Variants in CHCHD6 observed in about 807,000 individuals in gnomAD.
CHCHD6 encodes the protein coiled-coil-helix-coiled-coil-helix domain containing 6, also known as MICOS complex subunit MIC25.
In CHCHD6, 28 loss-of-function variants were observed where a neutral mutation model predicts 32.3. That is an observed-to-expected ratio of 0.87 (90% CI 0.64 to 1.19). The LOEUF (loss-of-function observed/expected upper bound fraction) is 1.19, where lower values mean the gene tolerates loss of function less well. Ranked by LOEUF, CHCHD6 falls within the 50% of genes most tolerant of loss-of-function variation. The probability of loss-of-function intolerance (pLI) is 0.00; values close to 1 mark genes in which losing one functional copy is unlikely to be tolerated. For missense variants in CHCHD6, 333 were observed against 307.0 expected (o/e 1.08, Z -0.63); for synonymous variants, 122 against 117.5 (o/e 1.04, Z -0.25).
intron 4 of CHCHD6, among the ~76,000 whole-genome samples, chr3:126,795,325 A>T (rs918613757): frequency 6.6e-6 from 1 of 152,238 alleles, no homozygotes; most frequent in South Asian, 2.1e-4. Context: ...AATTTCCATC[A>T]TGCTGGTATG....
At chr3:126,734,460 G>T (rs1037637790) in intron 4 of CHCHD6, among the ~76,000 whole-genome samples, 2 of 152,228 alleles carry the variant, frequency 1.3e-5, no homozygotes, top group Admixed American at 6.5e-5. Context: ...TCTCCTGGGA[G>T]GCCAGACATG....
chr3:126,846,852 G>C (rs925737435), intron 4 of CHCHD6, among the ~76,000 whole-genome samples: 1 of 152,116 alleles, frequency 6.6e-6, no homozygotes, highest in Non-Finnish European at 1.5e-5. Flanking sequence ...ATGTGTATGT[G>C]TATTTTTAAA....
At chr3:126,934,750 C>A (rs2078454531) in intron 6 of CHCHD6, among the ~76,000 whole-genome samples, 1 of 151,852 alleles carries the variant, frequency 6.6e-6, no homozygotes, top group Non-Finnish European at 1.5e-5. Flanking sequence ...GGGGTTTCAC[C>A]ATGTTAGCCA....
In CHCHD6 at chr3:126,865,646, C is replaced by T. The variant is rs114980987; in HGVS notation, c.495+12916C>T. 4.5e-3 allele frequency: 4,401 copies of T among 985,208 alleles called. 165 individuals are homozygous for T. In the African/African-American group the frequency reaches 0.072, roughly 16 times the overall value. The allele number at this position is 985,208 out of a possible 1,614,324, so 61.0% of individuals were successfully genotyped here. On this transcript the variant is annotated intron_variant, in intron 5 of 7. Transcript: ENST00000290913. ...TGATTGCTGCTGCCCCCTCTCCCAC[C>T]GCTACTACTATTATCACCTCCCTCA...
chr3:126,755,058 G>C (rs1313961207), intron 4 of CHCHD6, among the ~76,000 whole-genome samples: 1 of 152,214 alleles, frequency 6.6e-6, no homozygotes, highest in Non-Finnish European at 1.5e-5. Context: ...CGATGGCCTG[G>C]AAAAGAGGAG....
chr3:126,805,804 C>A (rs531242830), intron 4 of CHCHD6, among the ~76,000 whole-genome samples: 1 of 152,308 alleles, frequency 6.6e-6, no homozygotes, highest in South Asian at 2.1e-4. Context: ...TCAAACTATA[C>A]TACAAGGCTA....
At chr3:126,742,334 G>A (rs570006314) in intron 4 of CHCHD6, among the ~76,000 whole-genome samples, 133 of 152,322 alleles carry the variant, frequency 8.7e-4, no homozygotes, top group African/African-American at 2.3e-3. Context: ...GGCTGCTGCT[G>A]GTCTGGTTAC....
chr3:126,923,296 CT>C (rs976494662), intron 6 of CHCHD6, among the ~76,000 whole-genome samples: 5 of 152,166 alleles, frequency 3.3e-5, no homozygotes, highest in Non-Finnish European at 4.4e-5. Context: ...TGACCTCCCT[CT>C]TTTTTTCTTA....
Position 126,867,804 on chromosome 3 carries a change from C to G in CHCHD6, c.495+15074C>G, listed in dbSNP as rs143102701. ...ATGTCTCCCATGCTGTCTCTGTCCTCCCTCCATGATGGTGGCTCCTTGCTA... is the reference window on the plus strand; with the variant it reads ...ATGTCTCCCATGCTGTCTCTGTCCTGCCTCCATGATGGTGGCTCCTTGCTA... On this transcript the variant is annotated intron_variant, in intron 5 of 7. Transcript: ENST00000290913. Among the ~76,000 whole-genome samples the G allele has an allele frequency of 7.9e-5, 12 of 152,312 alleles. No homozygotes were observed. In the East Asian group the frequency reaches 2.3e-3, roughly 29 times the overall value.
chr3:126,744,315 T>G (rs2107664782), intron 4 of CHCHD6, among the ~76,000 whole-genome samples: 1 of 152,370 alleles, frequency 6.6e-6, no homozygotes, highest in East Asian at 1.9e-4. Flanking sequence ...TTTCAATTTG[T>G]CAAGCCGATT....
In CHCHD6 at chr3:126,766,614, A is replaced by C; in HGVS notation, c.411+33392A>C. 4 of 1,095,364 alleles carry C rather than the reference A, an allele frequency of 3.7e-6. No individual in the cohort carries two copies. In the South Asian group the frequency reaches 5.0e-5, roughly 14 times the overall value. The allele number at this position is 1,095,364 out of a possible 1,614,324, so 67.9% of individuals were successfully genotyped here. On this transcript the variant is annotated intron_variant, in intron 4 of 7. Coordinates refer to ENST00000290913, the MANE Select transcript of CHCHD6 (RefSeq NM_032343.3). The stretch of plus-strand genomic sequence containing the variant: ...ACTTGGGCTTGTGGTCCCTTAGCCC[A>C]GTTCCCCGAAGGTCGGTGATGGGCC...
intron 4 of CHCHD6, among the ~76,000 whole-genome samples, chr3:126,811,758 T>A (rs565974617): frequency 2.0e-5 from 3 of 152,336 alleles, no homozygotes; most frequent in South Asian, 4.1e-4. Flanking sequence ...GCCAGACATT[T>A]AGCTCCTTCC....
At chr3:126,876,653 C>T (rs906132397) in intron 5 of CHCHD6, among the ~76,000 whole-genome samples, 3 of 152,164 alleles carry the variant, frequency 2.0e-5, no homozygotes, top group African/African-American at 7.2e-5. Flanking sequence ...GACCACTTTT[C>T]CCCTGGTGGG....
intron 4 of CHCHD6, among the ~76,000 whole-genome samples, chr3:126,816,876 C>T (rs967369968): frequency 1.3e-5 from 2 of 152,128 alleles, no homozygotes; most frequent in Non-Finnish European, 1.5e-5. Context: ...TCCCACCCCA[C>T]GACAGGCCCT....
intron 5 of CHCHD6, among the ~76,000 whole-genome samples, chr3:126,886,992 G>C (rs1576555794): frequency 6.6e-6 from 1 of 152,254 alleles, no homozygotes; most frequent in East Asian, 1.9e-4. Flanking sequence ...GGCTTTCTAG[G>C]CTGCTACCTA....
At chr3:126,763,699 A>C (rs1054509207) in intron 4 of CHCHD6, among the ~76,000 whole-genome samples, 2 of 152,184 alleles carry the variant, frequency 1.3e-5, no homozygotes, top group Non-Finnish European at 2.9e-5. Context: ...TGGGGATTAC[A>C]GTTAACATCC....
At chr3:126,801,029 C>G (rs1312696236) in intron 4 of CHCHD6, among the ~76,000 whole-genome samples, 1 of 152,212 alleles carries the variant, frequency 6.6e-6, no homozygotes, top group African/African-American at 2.4e-5. Context: ...TGATAACTTC[C>G]TCTAACATGA....
At chr3:126,810,563 G>C (rs1469112578) in intron 4 of CHCHD6, among the ~76,000 whole-genome samples, 1 of 152,150 alleles carries the variant, frequency 6.6e-6, no homozygotes, top group African/African-American at 2.4e-5. Context: ...ACCTAGGATT[G>C]GGTACTAGAA....
At chr3:126,920,939 C>T (rs1389415445) in intron 6 of CHCHD6, among the ~76,000 whole-genome samples, 1 of 152,136 alleles carries the variant, frequency 6.6e-6, no homozygotes, top group Admixed American at 6.5e-5. Flanking sequence ...AGATGCCTTC[C>T]CACAGATTTT....
Sources: gnomAD v4.1 joint callset for allele counts (sites outside exome capture counted in the v4.1 genomes callset) on GRCh38, gnomAD v4.1.1 for gene constraint, MANE v1.5 for transcripts, NCBI Gene and HGNC (gene_info 2026-07-23, HGNC 2026-07-21) for gene names.